DAB1: variants seen among roughly 807,000 people sequenced by gnomAD.
The protein encoded by DAB1 is DAB adaptor protein 1.
In DAB1, 15 loss-of-function variants were observed where a neutral mutation model predicts 64.6. The observed-to-expected ratio is 0.23, with a 90% confidence interval of 0.16 to 0.36. The LOEUF (loss-of-function observed/expected upper bound fraction) is 0.36, where lower values mean the gene tolerates loss of function less well. Among genes scored for constraint, DAB1 ranks in the 10% least tolerant of loss-of-function variants. The pLI is 1.00. For missense variants in DAB1, 596 were observed against 706.7 expected (o/e 0.84, Z 1.78); for synonymous variants, 235 against 251.9 (o/e 0.93, Z 0.64).
chr1:57,005,820 A>G (rs552544346), intron 14 of DAB1, among the ~76,000 whole-genome samples: 1 of 152,336 alleles, frequency 6.6e-6, no homozygotes, highest in Non-Finnish European at 1.5e-5. Context: ...TGTCTGCAAT[A>G]TTTGTGAAAT....
intron 4 of DAB1, among the ~76,000 whole-genome samples, chr1:58,167,478 C>T (rs1399743641): frequency 1.3e-5 from 2 of 152,158 alleles, no homozygotes; most frequent in African/African-American, 4.8e-5. Flanking sequence ...ATTGTAAATG[C>T]ACCAATCAGC....
intron 4 of DAB1, among the ~76,000 whole-genome samples, chr1:57,074,494 C>T (rs766535160): frequency 5.3e-5 from 8 of 152,172 alleles, no homozygotes; most frequent in East Asian, 1.9e-4. Flanking sequence ...CGATGGTCAT[C>T]GCCGTAGTTC....
intron 2 of DAB1, among the ~76,000 whole-genome samples, chr1:57,261,176 C>T (rs1670153632): frequency 6.6e-6 from 1 of 152,112 alleles, no homozygotes; most frequent in East Asian, 1.9e-4. Context: ...GCAGCCACCC[C>T]ACCTGCCACC....
At chr1:57,148,671 T>C (rs1007125295) in intron 2 of DAB1, among the ~76,000 whole-genome samples, 2 of 152,204 alleles carry the variant, frequency 1.3e-5, no homozygotes, top group Non-Finnish European at 2.9e-5. Flanking sequence ...ACCCATATGG[T>C]CACTGTTATT....
intron 6 of DAB1, among the ~76,000 whole-genome samples, chr1:57,699,017 G>A (rs375838038): frequency 6.6e-5 from 10 of 152,122 alleles, no homozygotes; most frequent in Admixed American, 1.3e-4. Flanking sequence ...TGCTCACTGC[G>A]GCCTTGAATT....
At position 57,314,427 on chromosome 1, in the gene DAB1, C is replaced by T. The variant is rs115981492; in HGVS notation, c.-136-23261G>A. On this transcript the variant is annotated intron_variant, in intron 1 of 14. Transcript: ENST00000371236. ...TGGAGTCTCACATGTGATTTGCTGACCTGGTTCAACTTTCATCAGAGGATT... is the reference window on the plus strand; with the variant it reads ...TGGAGTCTCACATGTGATTTGCTGATCTGGTTCAACTTTCATCAGAGGATT... 5.2e-3 allele frequency among the ~76,000 whole-genome samples: 794 copies of T among 152,190 alleles called. 5 individuals carry two copies. Among genetic ancestry groups the T allele is most frequent in the Non-Finnish European group, 8.5e-3 (581 of 68,008 alleles).
At chr1:58,190,222 T>C (rs1570465057) in intron 4 of DAB1, among the ~76,000 whole-genome samples, 1 of 152,184 alleles carries the variant, frequency 6.6e-6, no homozygotes, top group Non-Finnish European at 1.5e-5. Context: ...GACTAATATA[T>C]GCCAGATATA....
chr1:57,075,201 G>T (rs1651877339), intron 4 of DAB1, among the ~76,000 whole-genome samples: 1 of 152,236 alleles, frequency 6.6e-6, no homozygotes, highest in Non-Finnish European at 1.5e-5. Flanking sequence ...GGTGGAATTA[G>T]ATTTGGAGAT....
intron 5 of DAB1, among the ~76,000 whole-genome samples, chr1:58,041,715 G>A (rs1647139008): frequency 6.6e-6 from 1 of 152,188 alleles, no homozygotes. Flanking sequence ...GGGCTTGGCA[G>A]CTCAAATTCC....
chr1:58,491,609 G>A (rs1161680764), intron 3 of DAB1, among the ~76,000 whole-genome samples: 1 of 152,078 alleles, frequency 6.6e-6, no homozygotes, highest in Non-Finnish European at 1.5e-5. Flanking sequence ...GGCAGGGGTT[G>A]CAATCCTAGT....
At chr1:57,446,582 G>C (rs927014402) in intron 7 of DAB1, among the ~76,000 whole-genome samples, 1 of 126,556 alleles carries the variant, frequency 7.9e-6, no homozygotes, top group Non-Finnish European at 1.6e-5. Flanking sequence ...TGAGCAACAA[G>C]AGCAAAACTC....
At position 58,129,539 on chromosome 1, in the gene DAB1, A is replaced by G. The variant is rs1282682587; in HGVS notation, n.387+20972T>C. Among the ~76,000 whole-genome samples, 8 of 128,848 alleles carry G rather than the reference A, an allele frequency of 6.2e-5. No individual in the cohort carries two copies. The East Asian group carries it at 1.9e-3, about 31-fold the overall frequency. 84.5% of individuals were successfully genotyped at this position (128,848 alleles called of 152,430 possible). On this transcript the variant is annotated intron_variant and non_coding_transcript_variant, in intron 5 of 20. Transcript: ENST00000485760. The stretch of plus-strand genomic sequence containing the variant: ...TGCTCTTGCTTTTCTAGTTCTTTTA[A>G]TTGTGATGTTACGGTGTCAATTTTG...
At chr1:57,357,955 G>A (rs548124247) in intron 1 of DAB1, among the ~76,000 whole-genome samples, 7 of 151,982 alleles carry the variant, frequency 4.6e-5, no homozygotes, top group East Asian at 1.9e-4. Flanking sequence ...CAGGCAAACC[G>A]TATTAGCACG....
At chr1:57,871,076 G>T (rs12041148) in intron 1 of DAB1, among the ~76,000 whole-genome samples, 1 of 152,152 alleles carries the variant, frequency 6.6e-6, no homozygotes, top group Non-Finnish European at 1.5e-5. Context: ...TTGTGAACGA[G>T]ATATACCAGG....
chr1:58,367,675 A>C (rs1448660207), intron 3 of DAB1, among the ~76,000 whole-genome samples: 6 of 152,022 alleles, frequency 3.9e-5, no homozygotes, highest in Non-Finnish European at 8.8e-5. Context: ...TTCCTTTCCC[A>C]CAGCATCTCA....
At chr1:58,287,001 A>C (rs1661700699) in intron 4 of DAB1, among the ~76,000 whole-genome samples, 1 of 152,266 alleles carries the variant, frequency 6.6e-6, no homozygotes. Context: ...AAAAGGAATG[A>C]GATCATGTCC....
intron 3 of DAB1, among the ~76,000 whole-genome samples, chr1:58,399,110 G>C (rs1321902561): frequency 6.6e-6 from 1 of 152,216 alleles, no homozygotes; most frequent in Non-Finnish European, 1.5e-5. Context: ...ATGTCAGCAT[G>C]TCACAGTCCC....
At chr1:58,452,131 G>A (rs952950592) in intron 3 of DAB1, among the ~76,000 whole-genome samples, 1 of 149,344 alleles carries the variant, frequency 6.7e-6, no homozygotes, top group Admixed American at 6.9e-5. Context: ...GGGGGGTTTC[G>A]CCACGTTGGT....
chr1:57,147,864 C>A (rs1659294824), intron 2 of DAB1, among the ~76,000 whole-genome samples: 1 of 152,170 alleles, frequency 6.6e-6, no homozygotes, highest in Admixed American at 6.5e-5. Flanking sequence ...GTGTTAGAGG[C>A]CATGTAACTT....
Sources: allele counts gnomAD v4.1 joint callset (sites outside exome capture counted in the v4.1 genomes callset), GRCh38; gene constraint gnomAD v4.1.1; transcripts MANE v1.5; gene names NCBI Gene and HGNC (gene_info 2026-07-23, HGNC 2026-07-21).